Variants in MPDZ observed in about 807,000 individuals in gnomAD.
The protein encoded by MPDZ is multiple PDZ domain protein.
Under a neutral mutation model 239.1 loss-of-function variants are expected in MPDZ, and 234 were observed. The ratio of observed to expected loss-of-function variants is 0.98; its 90% CI spans 0.88 to 1.09. The LOEUF (loss-of-function observed/expected upper bound fraction) is 1.09, where lower values mean the gene tolerates loss of function less well. Ranked by LOEUF, MPDZ falls within the 50% of genes least tolerant of loss-of-function variation. The pLI, the probability that MPDZ is intolerant of heterozygous loss-of-function variation, is 0.00. For missense variants in MPDZ, 3,175 were observed against 2,510.0 expected (o/e 1.26, Z -5.66); for synonymous variants, 1,048 against 881.3 (o/e 1.19, Z -3.35).
At chr9:13,170,386 T>C (rs1361241722) in intron 21 of MPDZ, among the ~76,000 whole-genome samples, 1 of 152,148 alleles carries the variant, frequency 6.6e-6, no homozygotes, top group African/African-American at 2.4e-5. Context: ...TAAATGTACT[T>C]AAAATATTCT....
intron 3 of MPDZ, among the ~76,000 whole-genome samples, chr9:13,247,245 T>G (rs2137746191): frequency 6.6e-6 from 1 of 152,322 alleles, no homozygotes; most frequent in East Asian, 1.9e-4. Context: ...AAATCCACGC[T>G]TATCTGAAAT....
chr9:13,110,087 C>G, intron 44 of MPDZ, 23 bp from the exon 45 acceptor site: 1 of 1,560,312 alleles, frequency 6.4e-7, no homozygotes. Context: ...GGAGGATAAA[C>G]AGAAAAAACA....
intron 2 of MPDZ, among the ~76,000 whole-genome samples, chr9:13,249,324 A>G (rs1441269748): frequency 1.3e-5 from 2 of 152,168 alleles, no homozygotes; most frequent in African/African-American, 4.8e-5. Context: ...AGAAAACAAC[A>G]GTTTAAATAA....
rs763422561 is a variant in MPDZ, at chr9:13,107,109, T to A, written c.6069A>T (p.Gly2023=). ...PIYVKTVFAK[G]AASEDGRLKR... ...TCAGACGTCCGTCTTCAGAGGCTGC[T>A]CCCTGCAAATTATAAAGTAGACTTG... The change falls in exon 47 of 47, where the codon GGA becomes GGT. Residue 2023 remains glycine, a splice_region_variant and synonymous_variant. Transcript: ENST00000319217. 6.4e-7 allele frequency: 1 copy of A among 1,564,870 alleles called. No homozygotes were observed. Among genetic ancestry groups the A allele is most frequent in the Non-Finnish European group, 8.7e-7 (1 of 1,144,458 alleles).
At chr9:13,218,468 C>T (rs567993860) in intron 8 of MPDZ, among the ~76,000 whole-genome samples, 3 of 151,912 alleles carry the variant, frequency 2.0e-5, no homozygotes, top group East Asian at 1.9e-4. Flanking sequence ...ATTTATATAT[C>T]GCTGAATAAA....
At position 13,237,034 on chromosome 9, in the gene MPDZ, G is replaced by C. The variant is rs559798315; in HGVS notation, c.183+10601C>G. On this transcript the variant is annotated intron_variant, in intron 3 of 46. Transcript: ENST00000319217. ...AATTGCTTTCAGCGCCTATCATAAA[G>C]AGCAATATTCTATTTCTCCATCCTT... Among the ~76,000 whole-genome samples the C allele has an allele frequency of 5.3e-5, 8 of 152,188 alleles. No individual in the cohort carries two copies. The South Asian group carries it at 1.5e-3, about 28-fold the overall frequency.
rs1398235450 is a variant in MPDZ at position 13,105,805 on chromosome 9, T to C, written c.*1160A>G. 1.3e-5 allele frequency: 2 copies of C among 152,228 alleles called. No homozygotes were observed. Among genetic ancestry groups the C allele is most frequent in the Non-Finnish European group, 2.9e-5 (2 of 68,036 alleles). The allele number at this position is 152,228 out of a possible 1,614,324, so 9.4% of individuals were successfully genotyped here. The stretch of plus-strand genomic sequence containing the variant: ...CTGTACACTACTTCTGTTACAAATA[T>C]AGATATTTAAAGTGACTTTATATAT... On this transcript the variant is annotated 3_prime_UTR_variant, in exon 47 of 47. Coordinates refer to ENST00000319217, the MANE Select transcript of MPDZ (RefSeq NM_001378778.1).
At position 13,121,755 on chromosome 9, in the gene MPDZ, T is replaced by C. The variant is rs1374913018; in HGVS notation, c.5215A>G (p.Ser1739Gly). The C allele has an allele frequency of 5.0e-6, 8 of 1,613,856 alleles. No homozygotes were observed. Among genetic ancestry groups the C allele is most frequent in the Non-Finnish European group, 5.9e-6 (7 of 1,179,890 alleles). Residue 1739 changes from serine to glycine, a missense_variant, in exon 38 of 47, where the codon AGT (serine) becomes GGT (glycine). By Grantham distance (56) the Ser-to-Gly change is moderately conservative. Coordinates refer to ENST00000319217, the MANE Select transcript of MPDZ (RefSeq NM_001378778.1). ...QKKPGKGLGLSIVGKRNDTGV... is the reference protein window; with the variant it reads ...QKKPGKGLGLGIVGKRNDTGV... ...CAATCACACCTTTTACCAACAATACTTAATCCTAGGCCTTTTCCCGGCTTC... is the reference window on the plus strand; with the variant it reads ...CAATCACACCTTTTACCAACAATACCTAATCCTAGGCCTTTTCCCGGCTTC...
At chr9:13,144,985 T>C (rs1948238620) in intron 26 of MPDZ, among the ~76,000 whole-genome samples, 1 of 152,080 alleles carries the variant, frequency 6.6e-6, no homozygotes, top group Non-Finnish European at 1.5e-5. Flanking sequence ...CAGTGTCCTG[T>C]ATAATTCTGT....
chr9:13,206,285 T>C (rs1409621053), intron 10 of MPDZ, among the ~76,000 whole-genome samples, 186 bp from the exon 11 acceptor site: 1 of 152,118 alleles, frequency 6.6e-6, no homozygotes, highest in Non-Finnish European at 1.5e-5. Flanking sequence ...AGGGATGCAC[T>C]AGAATCATTT....
At chr9:13,251,895 C>G (rs1339458857) in intron 1 of MPDZ, among the ~76,000 whole-genome samples, 1 of 152,312 alleles carries the variant, frequency 6.6e-6, no homozygotes, top group East Asian at 1.9e-4. Flanking sequence ...GACACTGGCT[C>G]TGACCTGGAA....
Position 13,175,818 on chromosome 9 carries a change from G to T in MPDZ, c.2989C>A (p.Leu997Ile). The change falls in exon 21 of 47, where the codon CTT (leucine) becomes ATT (isoleucine). Residue 997 changes from leucine (L) to isoleucine (I), a missense_variant. Transcript: ENST00000319217. Reference protein sequence around the residue: ...SLACNAECVMLQNVSKESFER... With the variant: ...SLACNAECVMIQNVSKESFER... The stretch of plus-strand genomic sequence containing the variant: ...AAAGATTCTTTAGATACATTTTGAA[G>T]CATGACACACTCAGCATTACAGGCC... The T allele has an allele frequency of 6.3e-7, 1 of 1,588,134 alleles. No homozygotes were observed. The highest frequency in any genetic ancestry group is 8.6e-7 in the Non-Finnish European group (1 of 1,166,306).
intron 43 of MPDZ, 27 bp from the exon 44 acceptor site, chr9:13,110,767 T>C (rs747004295): frequency 2.5e-6 from 4 of 1,574,426 alleles, no homozygotes; most frequent in Non-Finnish European, 3.5e-6. Flanking sequence ...GAAACAGCCA[T>C]CTGCTAAAGC....
chr9:13,251,190 A>G (rs1967915976), intron 1 of MPDZ, among the ~76,000 whole-genome samples: 1 of 151,958 alleles, frequency 6.6e-6, no homozygotes, highest in Non-Finnish European at 1.5e-5. Flanking sequence ...GTGACACTCA[A>G]GCAGTACCTG....
rs2135687923 is a variant in MPDZ, at chr9:13,206,221, T to G, written c.1291-122A>C. On this transcript the variant is annotated intron_variant, in intron 10 of 46. Coordinates refer to ENST00000319217, the MANE Select transcript of MPDZ (RefSeq NM_001378778.1). ...AAAGAATGGAGAATAAGTATTCACC[T>G]TATCAGGGAATTGACAGTAAGACCC... 4 of 896,298 alleles carry G rather than the reference T, an allele frequency of 4.5e-6. No individual in the cohort carries two copies. In the East Asian group the frequency reaches 1.1e-4, roughly 24 times the overall value. 55.5% of individuals were successfully genotyped at this position (896,298 alleles called of 1,614,324 possible).
At chr9:13,112,907 T>G in intron 42 of MPDZ, 104 bp downstream of exon 42, 1 of 1,126,146 alleles carries the variant, frequency 8.9e-7, no homozygotes, top group Non-Finnish European at 1.3e-6. Flanking sequence ...ATACATACTT[T>G]TTGAGATGAA....
intron 23 of MPDZ, 45 bp downstream of exon 23, chr9:13,162,646 A>T (rs767786533): frequency 1.3e-5 from 17 of 1,291,622 alleles, no homozygotes; most frequent in Non-Finnish European, 1.9e-5. Context: ...AATTCTCTAC[A>T]ACTTGCTGTA....
At chr9:13,219,382 C>T (rs760024109) in intron 8 of MPDZ, among the ~76,000 whole-genome samples, 177 bp downstream of exon 8, 17 of 152,082 alleles carry the variant, frequency 1.1e-4, no homozygotes, top group Non-Finnish European at 2.2e-4. Context: ...TTGTTTTACA[C>T]ATTATTCCTG....
intron 16 of MPDZ, 121 bp from the exon 17 acceptor site, chr9:13,189,114 CA>C (rs922680624): frequency 1.2e-4 from 96 of 771,770 alleles, no homozygotes; most frequent in East Asian, 2.7e-4. Flanking sequence ...ATTTTCATGC[CA>C]AAAAAAATCC....
Sources: gnomAD v4.1 joint callset for allele counts (sites outside exome capture counted in the v4.1 genomes callset) on GRCh38, gnomAD v4.1.1 for gene constraint, MANE v1.5 for transcripts, NCBI Gene and HGNC (gene_info 2026-07-23, HGNC 2026-07-21) for gene names.